The following ACAD11 variants were observed in gnomAD, a reference collection of about 807,000 sequenced individuals.
ACAD11 encodes acyl-CoA dehydrogenase family member 11, also known as acyl-Coenzyme A dehydrogenase family, member 11.
In ACAD11, 83 loss-of-function variants were observed where a neutral mutation model predicts 102.2. The observed-to-expected ratio is 0.81, with a 90% CI of 0.68 to 0.97. The LOEUF is 0.97. Among genes scored for constraint, ACAD11 ranks in the 50% least tolerant of loss-of-function variants. The pLI is 0.00. For synonymous variants in ACAD11, 324 were observed against 319.8 expected (o/e 1.01, Z -0.14); for missense variants, 901 against 951.7 (o/e 0.95, Z 0.70).
intron 9 of ACAD11, among the ~76,000 whole-genome samples, chr3:132,623,624 C>A (rs1028237023): frequency 6.6e-6 from 1 of 152,082 alleles, no homozygotes; most frequent in Non-Finnish European, 1.5e-5. Context: ...TCTGGTCACA[C>A]AAAACATTGG....
chr3:132,623,654 A>G (rs986135663), intron 9 of ACAD11, among the ~76,000 whole-genome samples: 2 of 152,194 alleles, frequency 1.3e-5, no homozygotes, highest in East Asian at 1.9e-4. Flanking sequence ...CTTTAAAGCT[A>G]TAGGCTGCTT....
At chr3:132,641,921 AT>A (rs780531413) in intron 4 of ACAD11, 50 bp downstream of exon 4, 1 of 1,502,402 alleles carries the variant, frequency 6.7e-7, no homozygotes, top group Admixed American at 1.9e-5. Flanking sequence ...CTAATAAGGT[AT>A]ATTATTTACA....
At chr3:132,579,756 C>A (rs1406523603) in intron 13 of ACAD11, among the ~76,000 whole-genome samples, 198 bp from the exon 14 acceptor site, 1 of 152,100 alleles carries the variant, frequency 6.6e-6, no homozygotes, top group Non-Finnish European at 1.5e-5. Context: ...CAAGAATGGA[C>A]CCCATCAATG....
intron 12 of ACAD11, among the ~76,000 whole-genome samples, chr3:132,604,793 T>G (rs1217325562): frequency 2.0e-5 from 3 of 152,212 alleles, no homozygotes; most frequent in Non-Finnish European, 4.4e-5. Context: ...AGATCTTAAA[T>G]ATTCATATAT....
chr3:132,626,618 T>C, intron 9 of ACAD11, 73 bp downstream of exon 9: 1 of 1,557,082 alleles, frequency 6.4e-7, no homozygotes, highest in African/African-American at 1.4e-5. Flanking sequence ...ATGCTTCTCC[T>C]ATAAGCAGAA....
At chr3:132,615,906 A>G (rs1372442731) in intron 11 of ACAD11, among the ~76,000 whole-genome samples, 2 of 152,180 alleles carry the variant, frequency 1.3e-5, no homozygotes, top group Non-Finnish European at 2.9e-5. Context: ...ATATTGTATG[A>G]CTTATTGAAG....
intron 13 of ACAD11, among the ~76,000 whole-genome samples, chr3:132,581,023 G>A (rs1937590121): frequency 6.6e-6 from 1 of 151,918 alleles, no homozygotes; most frequent in African/African-American, 2.4e-5. Context: ...TTCTAGAACT[G>A]AAGAAAAACA....
chr3:132,598,476 T>C (rs1372406454), intron 13 of ACAD11, among the ~76,000 whole-genome samples: 2 of 152,154 alleles, frequency 1.3e-5, no homozygotes, highest in African/African-American at 4.8e-5. Context: ...CAAACACAAA[T>C]CAAATAGGTC....
chr3:132,644,132 T>C (rs563137936), intron 2 of ACAD11, among the ~76,000 whole-genome samples: 6 of 152,310 alleles, frequency 3.9e-5, no homozygotes, highest in East Asian at 1.9e-4. Flanking sequence ...TACCCCACAA[T>C]TGTCCTTCCC....
In ACAD11 at chr3:132,648,931, T is replaced by C. The variant is rs1308297866; in HGVS notation, c.150-4035A>G. The C allele has an allele frequency of 3.9e-5, 6 of 152,410 alleles. No homozygotes were observed. The East Asian group carries it at 1.2e-3, about 29-fold the overall frequency. The allele number at this position is 152,410 out of a possible 1,614,324, so 9.4% of individuals were successfully genotyped here. Reference sequence around the variant, plus strand: ...TTAATCTGTAACTTTGCCCCAATCTTGAGCTCACAGAAACATGTGTTGTAT... The same window carrying C: ...TTAATCTGTAACTTTGCCCCAATCTCGAGCTCACAGAAACATGTGTTGTAT... On this transcript the variant is annotated intron_variant, in intron 1 of 19. Transcript: ENST00000264990.
intron 11 of ACAD11, among the ~76,000 whole-genome samples, chr3:132,608,751 A>G (rs1240668870): frequency 6.6e-6 from 1 of 152,220 alleles, no homozygotes; most frequent in Non-Finnish European, 1.5e-5. Flanking sequence ...AAAATTAACA[A>G]GGATATTCAG....
intron 1 of ACAD11, among the ~76,000 whole-genome samples, chr3:132,657,866 C>CTTTTTTTTTTT (rs56190801): frequency 8.4e-6 from 1 of 119,166 alleles, no homozygotes; most frequent in African/African-American, 3.1e-5. Flanking sequence ...ACACATATTC[C>CTTTTTTTTTTT]TTTTTTTTTT....
At chr3:132,572,314 T>C (rs1010729731) in intron 17 of ACAD11, among the ~76,000 whole-genome samples, 1 of 150,276 alleles carries the variant, frequency 6.7e-6, no homozygotes, top group Non-Finnish European at 1.5e-5. Flanking sequence ...AAGAATAAAA[T>C]ACCTAGGAAT....
At chr3:132,637,850 T>G (rs1386652164) in intron 5 of ACAD11, among the ~76,000 whole-genome samples, 1 of 152,182 alleles carries the variant, frequency 6.6e-6, no homozygotes, top group Non-Finnish European at 1.5e-5. Context: ...TTAAAATTGT[T>G]TATTCTTCTT....
chr3:132,598,623 G>A (rs149742854), intron 13 of ACAD11, among the ~76,000 whole-genome samples: 13 of 152,314 alleles, frequency 8.5e-5, no homozygotes, highest in East Asian at 3.9e-4. Flanking sequence ...GGTCGCATCC[G>A]CGTTTATTGA....
At chr3:132,600,303 G>A in intron 13 of ACAD11, 1 of 1,183,390 alleles carries the variant, frequency 8.5e-7, no homozygotes, top group Non-Finnish European at 1.2e-6. Flanking sequence ...TATACTCTAG[G>A]GAAAGAACAA....
intron 5 of ACAD11, 152 bp from the exon 6 acceptor site, chr3:132,631,631 T>C (rs1279278968): frequency 1.4e-5 from 7 of 517,522 alleles, no homozygotes; most frequent in Non-Finnish European, 2.1e-5. Context: ...ATTTATAAAA[T>C]AGCCAATTAG....
chr3:132,575,429 A>G (rs1182976883), intron 17 of ACAD11, among the ~76,000 whole-genome samples: 4 of 152,164 alleles, frequency 2.6e-5, no homozygotes, highest in African/African-American at 9.7e-5. Context: ...CCTTCTAGGA[A>G]ACCAATGGAC....
intron 13 of ACAD11, among the ~76,000 whole-genome samples, chr3:132,581,024 A>C (rs1394491390): frequency 6.6e-6 from 1 of 152,012 alleles, no homozygotes; most frequent in Non-Finnish European, 1.5e-5. Flanking sequence ...TCTAGAACTG[A>C]AGAAAAACAT....
Sources: allele counts gnomAD v4.1 joint callset (sites outside exome capture counted in the v4.1 genomes callset), GRCh38; gene constraint gnomAD v4.1.1; transcripts MANE v1.5; gene names NCBI Gene and HGNC (gene_info 2026-07-23, HGNC 2026-07-21).